Variants in HDAC9 observed in about 807,000 individuals in gnomAD.
The protein encoded by HDAC9 is histone deacetylase 9, also known as MEF-2 interacting transcription repressor (MITR) protein.
HDAC9 carries 41 observed loss-of-function variants against 139.4 expected under a neutral mutation model. The observed-to-expected ratio is 0.29, with a 90% confidence interval of 0.23 to 0.38. The LOEUF is 0.38. Ranked by LOEUF, HDAC9 falls within the 10% of genes least tolerant of loss-of-function variation. The pLI, the probability that HDAC9 is intolerant of heterozygous loss-of-function variation, is 1.00. For synonymous variants in HDAC9, 517 were observed against 476.2 expected, an observed-to-expected ratio of 1.09 and a Z score of -1.12; for missense variants, 1,147 against 1,297.0, an observed-to-expected ratio of 0.88 and a Z score of 1.78.
chr7:18,109,436 G>A (rs769680393), intron 1 of HDAC9, among the ~76,000 whole-genome samples: 5 of 152,118 alleles, frequency 3.3e-5, no homozygotes, highest in Admixed American at 6.6e-5. Context: ...CCCAAAGAAA[G>A]CAGTGTTTCC....
At chr7:18,784,956 T>TGTGTGTGG (rs1791575639) in intron 16 of HDAC9, among the ~76,000 whole-genome samples, 1 of 151,724 alleles carries the variant, frequency 6.6e-6, no homozygotes, top group African/African-American at 2.4e-5. Context: ...TGTGTGTGTG[T>TGTGTGTGG]GTGTGTGTGT....
chr7:18,914,803 T>G (rs1465719104), intron 22 of HDAC9, among the ~76,000 whole-genome samples: 1 of 152,088 alleles, frequency 6.6e-6, no homozygotes, highest in African/African-American at 2.4e-5. Flanking sequence ...TTTGAAATTT[T>G]GACCGTTAAA....
At chr7:18,404,561 C>T (rs1255536293) in intron 1 of HDAC9, among the ~76,000 whole-genome samples, 1 of 152,164 alleles carries the variant, frequency 6.6e-6, no homozygotes, top group Non-Finnish European at 1.5e-5. Flanking sequence ...GATTTTACTT[C>T]ACTTTGTATT....
chr7:18,742,741 G>C (rs2129142657), intron 13 of HDAC9, among the ~76,000 whole-genome samples: 1 of 151,756 alleles, frequency 6.6e-6, no homozygotes, highest in Non-Finnish European at 1.5e-5. Flanking sequence ...TCTCAAGTTT[G>C]TATTCAATAG....
chr7:18,690,725 C>T (rs373943181), intron 12 of HDAC9, among the ~76,000 whole-genome samples: 3 of 151,930 alleles, frequency 2.0e-5, no homozygotes, highest in East Asian at 3.9e-4. Flanking sequence ...AAAATCCTCT[C>T]GAAATTTGAA....
At chr7:18,213,801 A>G (rs777926553) in intron 2 of HDAC9, among the ~76,000 whole-genome samples, 6 of 152,264 alleles carry the variant, frequency 3.9e-5, no homozygotes, top group South Asian at 2.1e-4. Context: ...AGGAATTGAA[A>G]TATTCTGTGC....
At chr7:18,794,537 C>G (rs1484230021) in intron 17 of HDAC9, among the ~76,000 whole-genome samples, 1 of 152,112 alleles carries the variant, frequency 6.6e-6, no homozygotes, top group Non-Finnish European at 1.5e-5. Flanking sequence ...AGTAGATGTG[C>G]CTGTATATAT....
At chr7:18,589,475 A>C (rs1216459629) in intron 3 of HDAC9, among the ~76,000 whole-genome samples, 1 of 152,192 alleles carries the variant, frequency 6.6e-6, no homozygotes, top group Non-Finnish European at 1.5e-5. Flanking sequence ...TTGAGGCTGC[A>C]GTGAGCTATA....
intron 12 of HDAC9, among the ~76,000 whole-genome samples, chr7:18,693,512 T>A (rs1013620395): frequency 6.6e-6 from 1 of 152,026 alleles, no homozygotes; most frequent in African/African-American, 2.4e-5. Flanking sequence ...ACGAAAAAAA[T>A]TTTCAAATAG....
chr7:18,886,493 G>C (rs753697225), intron 22 of HDAC9, among the ~76,000 whole-genome samples: 23 of 152,144 alleles, frequency 1.5e-4, no homozygotes, highest in Non-Finnish European at 3.4e-4. Context: ...AAATTGGAAT[G>C]TCTCTCACAC....
At chr7:18,889,762 A>G (rs375336812) in intron 22 of HDAC9, among the ~76,000 whole-genome samples, 1 of 152,114 alleles carries the variant, frequency 6.6e-6, no homozygotes, top group Non-Finnish European at 1.5e-5. Context: ...CAGTGGTGCA[A>G]TTATGGTTCA....
At chr7:18,280,805 A>G (rs553743471) in intron 2 of HDAC9, among the ~76,000 whole-genome samples, 29 of 152,206 alleles carry the variant, frequency 1.9e-4, no homozygotes, top group African/African-American at 6.7e-4. Flanking sequence ...GATTTGGATA[A>G]TAAAATAACT....
At chr7:18,901,885 ATAT>A (rs1563039415) in intron 22 of HDAC9, among the ~76,000 whole-genome samples, 1 of 152,150 alleles carries the variant, frequency 6.6e-6, no homozygotes, top group Non-Finnish European at 1.5e-5. Context: ...AGAGTATGTC[ATAT>A]TATTATTTTA....
intron 24 of HDAC9, among the ~76,000 whole-genome samples, chr7:18,957,100 G>A (rs1472593538): frequency 2.0e-5 from 3 of 151,690 alleles, no homozygotes; most frequent in Admixed American, 6.6e-5. Flanking sequence ...AGTTGAGAGG[G>A]CTCTGAATAG....
chr7:18,088,314 A>C (rs1781929082), intron 1 of HDAC9, among the ~76,000 whole-genome samples: 1 of 152,220 alleles, frequency 6.6e-6, no homozygotes, highest in Non-Finnish European at 1.5e-5. Context: ...AAATGGTATA[A>C]CAATGCATAT....
intron 1 of HDAC9, among the ~76,000 whole-genome samples, chr7:18,321,023 C>T (rs549071601): frequency 2.0e-5 from 3 of 152,234 alleles, no homozygotes; most frequent in African/African-American, 7.2e-5. Flanking sequence ...CATATGCAAT[C>T]GCCATTTTTG....
At chr7:18,930,160 T>C (rs1191262671) in intron 22 of HDAC9, among the ~76,000 whole-genome samples, 1 of 152,128 alleles carries the variant, frequency 6.6e-6, no homozygotes, top group Non-Finnish European at 1.5e-5. Flanking sequence ...TATGTGGTTG[T>C]TGAGAACCCC....
intron 7 of HDAC9, among the ~76,000 whole-genome samples, chr7:18,631,401 A>G (rs1356620281): frequency 2.0e-5 from 3 of 152,022 alleles, no homozygotes; most frequent in Admixed American, 6.6e-5. Context: ...GCTCCGGACT[A>G]CTGACACACA....
At chr7:18,418,706 A>G (rs866203882) in intron 1 of HDAC9, among the ~76,000 whole-genome samples, 2 of 152,142 alleles carry the variant, frequency 1.3e-5, no homozygotes, top group Non-Finnish European at 2.9e-5. Flanking sequence ...GAATTTTAAT[A>G]TGAAAGCTGA....
Sources: gnomAD v4.1 joint callset for allele counts (sites outside exome capture counted in the v4.1 genomes callset) on GRCh38, gnomAD v4.1.1 for gene constraint, MANE v1.5 for transcripts, NCBI Gene and HGNC (gene_info 2026-07-23, HGNC 2026-07-21) for gene names.